The following GABRB1 variants were observed in gnomAD, a reference collection of about 807,000 sequenced individuals.
The protein encoded by GABRB1 is gamma-aminobutyric acid type A receptor subunit beta1.
In GABRB1, 17 loss-of-function variants were observed where a neutral mutation model predicts 51.6. That is an observed-to-expected ratio of 0.33 (90% confidence interval 0.23 to 0.49). GABRB1 has a LOEUF of 0.49. Among genes scored for constraint, GABRB1 ranks in the 20% least tolerant of loss-of-function variants. The probability of loss-of-function intolerance (pLI) is 0.99; values close to 1 mark genes in which losing one functional copy is unlikely to be tolerated. For synonymous variants in GABRB1, 247 were observed against 218.9 expected, an observed-to-expected ratio of 1.13 and a Z score of -1.14; for missense variants, 410 against 600.6, an observed-to-expected ratio of 0.68 and a Z score of 3.32.
At chr4:47,393,938 G>C (rs1034597664) in intron 5 of GABRB1, among the ~76,000 whole-genome samples, 3 of 152,220 alleles carry the variant, frequency 2.0e-5, no homozygotes, top group African/African-American at 7.2e-5. Context: ...CCATTGATTT[G>C]CTTGCCAGTT....
intron 5 of GABRB1, among the ~76,000 whole-genome samples, chr4:47,349,326 G>A (rs1335114339): frequency 6.6e-6 from 1 of 152,102 alleles, no homozygotes; most frequent in East Asian, 1.9e-4. Flanking sequence ...GACTGGAAAG[G>A]AAAGAAAGAA....
intron 4 of GABRB1, among the ~76,000 whole-genome samples, chr4:47,266,136 G>C (rs1722632047): frequency 6.6e-6 from 1 of 151,984 alleles, no homozygotes; most frequent in Non-Finnish European, 1.5e-5. Flanking sequence ...AGATATGAGA[G>C]CAGTTTCATT....
At chr4:47,091,085 G>A (rs1479128870) in intron 3 of GABRB1, among the ~76,000 whole-genome samples, 1 of 149,356 alleles carries the variant, frequency 6.7e-6, no homozygotes, top group Admixed American at 6.7e-5. Flanking sequence ...GCCAGTGTCT[G>A]GGGATAGTTT....
intron 3 of GABRB1, among the ~76,000 whole-genome samples, chr4:47,147,219 T>C (rs953550589): frequency 2.0e-4 from 31 of 152,204 alleles, no homozygotes; most frequent in African/African-American, 5.8e-4. Flanking sequence ...CTGGTCCTCC[T>C]CAAGTATTTA....
intron 4 of GABRB1, among the ~76,000 whole-genome samples, chr4:47,168,916 T>C (rs968788215): frequency 1.3e-5 from 2 of 152,142 alleles, no homozygotes; most frequent in African/African-American, 4.8e-5. Flanking sequence ...ATCTTCCCCC[T>C]GTGTCTCCAC....
At chr4:47,282,440 AT>A (rs1055134931) in intron 4 of GABRB1, among the ~76,000 whole-genome samples, 1 of 151,828 alleles carries the variant, frequency 6.6e-6, no homozygotes, top group Non-Finnish European at 1.5e-5. Context: ...CCTGTTTTTC[AT>A]TTTTTTCAGA....
At chr4:47,361,303 A>C (rs1726797975) in intron 5 of GABRB1, among the ~76,000 whole-genome samples, 1 of 152,210 alleles carries the variant, frequency 6.6e-6, no homozygotes, top group Admixed American at 6.5e-5. Flanking sequence ...ATGGACTAAT[A>C]GTAAACAAGC....
At chr4:47,226,993 G>A (rs1720966121) in intron 4 of GABRB1, among the ~76,000 whole-genome samples, 1 of 152,108 alleles carries the variant, frequency 6.6e-6, no homozygotes, top group South Asian at 2.1e-4. Context: ...ATTTATTTCA[G>A]TTCACTTTAT....
intron 3 of GABRB1, among the ~76,000 whole-genome samples, chr4:47,123,223 A>C (rs1403802031): frequency 6.8e-6 from 1 of 148,136 alleles, no homozygotes; most frequent in Non-Finnish European, 1.5e-5. Flanking sequence ...TGGGCTAGAG[A>C]CGAAATAAAT....
intron 1 of GABRB1, among the ~76,000 whole-genome samples, chr4:47,014,472 C>T (rs1210470876): frequency 1.3e-5 from 2 of 151,982 alleles, no homozygotes; most frequent in South Asian, 2.1e-4. Context: ...TTTTTTTCCT[C>T]TCCTACACTT....
intron 3 of GABRB1, among the ~76,000 whole-genome samples, chr4:47,077,974 TATATAA>T: frequency 2.6e-5 from 1 of 38,186 alleles, no homozygotes; most frequent in Non-Finnish European, 5.4e-5. Context: ...ATATATTTTA[TATATAA>T]TATATAATAT....
intron 8 of GABRB1, among the ~76,000 whole-genome samples, chr4:47,412,271 C>T (rs1426974762): frequency 6.6e-6 from 1 of 152,058 alleles, no homozygotes; most frequent in Non-Finnish European, 1.5e-5. Context: ...ATGTAGATAA[C>T]AAATAAGTAC....
At chr4:47,410,212 A>G (rs1233279915) in intron 8 of GABRB1, among the ~76,000 whole-genome samples, 2 of 152,256 alleles carry the variant, frequency 1.3e-5, no homozygotes, top group Non-Finnish European at 2.9e-5. Flanking sequence ...TACGAACTCC[A>G]CAAATGATTT....
At chr4:47,039,904 T>C (rs2109485386) in intron 3 of GABRB1, among the ~76,000 whole-genome samples, 1 of 152,316 alleles carries the variant, frequency 6.6e-6, no homozygotes, top group East Asian at 1.9e-4. Flanking sequence ...GCTCTCATTG[T>C]GTAAAAAGGA....
chr4:47,332,213 T>A (rs1350734362), intron 5 of GABRB1, among the ~76,000 whole-genome samples: 1 of 152,190 alleles, frequency 6.6e-6, no homozygotes, highest in African/African-American at 2.4e-5. Flanking sequence ...ATGCAATAGA[T>A]CACACAATGG....
At chr4:47,209,558 T>C (rs539951735) in intron 4 of GABRB1, among the ~76,000 whole-genome samples, 1 of 152,162 alleles carries the variant, frequency 6.6e-6, no homozygotes, top group Non-Finnish European at 1.5e-5. Context: ...TGGTGTTCAT[T>C]GCATTGTGCA....
At chr4:47,029,024 G>A (rs1577837765), upstream of GABRB1, among the ~76,000 whole-genome samples, 1 of 151,576 alleles carries the variant, frequency 6.6e-6, no homozygotes, top group East Asian at 1.9e-4. Flanking sequence ...GGATTTGTCA[G>A]TGTAGAAGCA....
At chr4:47,418,824 G>A (rs1181454352) in intron 8 of GABRB1, among the ~76,000 whole-genome samples, 1 of 152,182 alleles carries the variant, frequency 6.6e-6, no homozygotes, top group African/African-American at 2.4e-5. Flanking sequence ...TGGCAATTTT[G>A]AGATGTAGAT....
chr4:47,409,534 C>G (rs934577062), intron 8 of GABRB1, among the ~76,000 whole-genome samples: 1 of 152,228 alleles, frequency 6.6e-6, no homozygotes, highest in African/African-American at 2.4e-5. Context: ...TTCTGCTCCT[C>G]TGCTCCTCTG....
Sources: allele counts gnomAD v4.1 joint callset (sites outside exome capture counted in the v4.1 genomes callset), GRCh38; gene constraint gnomAD v4.1.1; transcripts MANE v1.5; gene names NCBI Gene and HGNC (gene_info 2026-07-23, HGNC 2026-07-21).